AMOTL1: variants seen among roughly 807,000 people sequenced by gnomAD.
The protein encoded by AMOTL1 is angiomotin-like protein 1.
In AMOTL1, 45 loss-of-function variants were observed where a neutral mutation model predicts 102.9. The ratio of observed to expected loss-of-function variants is 0.44; its 90% CI spans 0.34 to 0.56. The LOEUF (loss-of-function observed/expected upper bound fraction) is 0.56, where lower values mean the gene tolerates loss of function less well. Among genes scored for constraint, AMOTL1 ranks in the 20% least tolerant of loss-of-function variants. AMOTL1 has a pLI of 0.01. For synonymous variants in AMOTL1, 481 were observed against 484.7 expected, an observed-to-expected ratio of 0.99 and a Z score of 0.10; for missense variants, 1,114 against 1,225.6, an observed-to-expected ratio of 0.91 and a Z score of 1.36.
In AMOTL1 at chr11:94,839,121, C is replaced by T. The variant is rs115682030; in HGVS notation, c.1648+7580C>T. ...GCCCAGTAACCAGCCATCTGATGGC[C>T]GCCACAAGTGTCAGTGTCTTTGGAG... is the stretch of plus-strand genomic sequence containing the variant. On this transcript the variant is annotated intron_variant, in intron 6 of 12. Coordinates refer to ENST00000433060, the MANE Select transcript of AMOTL1 (RefSeq NM_130847.3). Among the ~76,000 whole-genome samples, 342 of 152,268 alleles carry T rather than the reference C, an allele frequency of 2.2e-3. 3 individuals are homozygous for T. Among genetic ancestry groups the T allele is most frequent in the African/African-American group, 7.6e-3 (314 of 41,556 alleles).
At chr11:94,864,163 A>G (rs545961319) in intron 9 of AMOTL1, among the ~76,000 whole-genome samples, 1 of 152,286 alleles carries the variant, frequency 6.6e-6, no homozygotes. Context: ...TATGGATGAT[A>G]AACAGAAATA....
chr11:94,791,596 G>A (rs1404203793), intron 1 of AMOTL1, among the ~76,000 whole-genome samples: 1 of 152,174 alleles, frequency 6.6e-6, no homozygotes, highest in East Asian at 1.9e-4. Flanking sequence ...TAAAGCCAGG[G>A]GGGTCCTTGG....
chr11:94,729,853 G>A (rs1057164589), intron 2 of AMOTL1, among the ~76,000 whole-genome samples: 5 of 152,120 alleles, frequency 3.3e-5, no homozygotes, highest in African/African-American at 9.7e-5. Context: ...ATACAAGAAC[G>A]AGAGCAAGAT....
Position 94,777,669 on chromosome 11 carries a change from AATTT to A in AMOTL1, c.49+9115_49+9118del, listed in dbSNP as rs1253283802. Among the ~76,000 whole-genome samples, 9 of 152,362 alleles carry A rather than the reference AATTT, an allele frequency of 5.9e-5. 1 individual carries two copies. In the South Asian group the frequency reaches 8.3e-4, roughly 14 times the overall value. On this transcript the variant is annotated intron_variant, in intron 1 of 12. Transcript: ENST00000433060. Reference sequence around the variant, plus strand: ...CTGAATTTCTTGTATTAAATTTAGTAATTTATTTAGGCAGTAGTCACAATTATGC... The same window carrying A: ...CTGAATTTCTTGTATTAAATTTAGTAATTTAGGCAGTAGTCACAATTATGC...
intron 1 of AMOTL1, among the ~76,000 whole-genome samples, chr11:94,792,458 A>G (rs1211684337): frequency 6.6e-6 from 1 of 152,244 alleles, no homozygotes; most frequent in Non-Finnish European, 1.5e-5. Flanking sequence ...CCTAGAATTT[A>G]AAGTATAATA....
intron 1 of AMOTL1, among the ~76,000 whole-genome samples, chr11:94,769,917 G>A (rs1950919864): frequency 1.3e-5 from 2 of 152,120 alleles, no homozygotes; most frequent in African/African-American, 2.4e-5. Context: ...AGATGCTTTC[G>A]GCTAACCAAA....
At chr11:94,835,905 T>C (rs1027593882) in intron 6 of AMOTL1, among the ~76,000 whole-genome samples, 4 of 152,220 alleles carry the variant, frequency 2.6e-5, no homozygotes, top group Admixed American at 1.3e-4. Context: ...CCCTTAAAAT[T>C]CTTGCAGGTC....
At chr11:94,865,715 C>T (rs930575932) in intron 10 of AMOTL1, among the ~76,000 whole-genome samples, 4 of 152,166 alleles carry the variant, frequency 2.6e-5, no homozygotes, top group East Asian at 1.9e-4. Flanking sequence ...AACTGTACCT[C>T]GCTGAAGTCC....
At chr11:94,857,824 T>C (rs1008444089) in intron 8 of AMOTL1, among the ~76,000 whole-genome samples, 47 of 152,248 alleles carry the variant, frequency 3.1e-4, no homozygotes, top group Middle Eastern at 3.4e-3. Flanking sequence ...GTTGCAACCC[T>C]GGTACATGGT....
At chr11:94,718,172 T>A (rs1435134649) in intron 1 of AMOTL1, among the ~76,000 whole-genome samples, 1 of 151,938 alleles carries the variant, frequency 6.6e-6, no homozygotes, top group African/African-American at 2.4e-5. Context: ...GTATCTTTCT[T>A]GGAAAAAAAT....
chr11:94,870,577 G>A, intron 12 of AMOTL1, 112 bp from the exon 13 acceptor site: 1 of 703,624 alleles, frequency 1.4e-6, no homozygotes, highest in Non-Finnish European at 2.3e-6. Flanking sequence ...ATGCCCTGTG[G>A]TGAGAATCCT....
At chr11:94,777,057 T>G (rs1172548047) in intron 1 of AMOTL1, among the ~76,000 whole-genome samples, 2 of 152,224 alleles carry the variant, frequency 1.3e-5, no homozygotes, top group East Asian at 3.8e-4. Context: ...CCAATCTAGC[T>G]TCTTGAAAAG....
chr11:94,712,478 G>T (rs994632415), intron 1 of AMOTL1, among the ~76,000 whole-genome samples: 4 of 152,050 alleles, frequency 2.6e-5, no homozygotes, highest in Non-Finnish European at 5.9e-5. Context: ...AAGAAAAATT[G>T]ACAAGTTGGA....
chr11:94,768,181 CA>C (rs985013984), upstream of AMOTL1: 45 of 786,892 alleles, frequency 5.7e-5, no homozygotes, highest in African/African-American at 8.0e-4. Flanking sequence ...GAGCTCTGGG[CA>C]ATTTCAGCCT....
chr11:94,799,635 C>G lies in AMOTL1; in HGVS notation c.445C>G (p.Pro149Ala). Residue 149 changes from proline to alanine, a missense_variant, in exon 3 of 13, where the codon CCA becomes GCA. Transcript: ENST00000433060. This position sits in a 1 kb window ranked among gnomAD's most constrained non-coding sequence, Gnocchi z 4.5. ...SSTENLTQED[P>A]QMVYQSARQE... ...CACGGAAAACCTCACTCAAGAAGAC[C>G]CACAAATGGTCTACCAGTCAGCACG... The G allele has an allele frequency of 6.2e-7, 1 of 1,613,922 alleles. No individual in the cohort carries two copies. Among genetic ancestry groups the G allele is most frequent in the African/African-American group, 1.3e-5 (1 of 74,998 alleles).
intron 9 of AMOTL1, among the ~76,000 whole-genome samples, chr11:94,864,123 G>A (rs1952829156): frequency 1.3e-5 from 2 of 152,116 alleles, no homozygotes; most frequent in South Asian, 4.1e-4. Context: ...CCATTTTACT[G>A]TAAAATACTG....
intron 1 of AMOTL1, among the ~76,000 whole-genome samples, chr11:94,781,728 A>C (rs1193014839): frequency 2.0e-5 from 3 of 152,032 alleles, no homozygotes; most frequent in Non-Finnish European, 2.9e-5. Flanking sequence ...CTAGCTACTC[A>C]GGAGACTGAG....
chr11:94,863,633 A>G (rs1465330799), intron 9 of AMOTL1, among the ~76,000 whole-genome samples: 1 of 152,206 alleles, frequency 6.6e-6, no homozygotes, highest in African/African-American at 2.4e-5. Context: ...ACATTGGAAT[A>G]TGAAGTTAAA....
intron 3 of AMOTL1, among the ~76,000 whole-genome samples, chr11:94,741,247 AGTGCGTGTGT>A (rs1461355410): frequency 2.0e-5 from 3 of 150,806 alleles, no homozygotes; most frequent in Non-Finnish European, 4.4e-5. Flanking sequence ...TGTGTGTGTG[AGTGCGTGTGT>A]GTGCGTGTTC....
Sources: allele counts gnomAD v4.1 joint callset (sites outside exome capture counted in the v4.1 genomes callset), GRCh38; gene constraint gnomAD v4.1.1; non-coding constraint Gnocchi (gnomAD v3.1); transcripts MANE v1.5; gene names NCBI Gene and HGNC (gene_info 2026-07-23, HGNC 2026-07-21).